Variants in ARHGEF10 observed in about 807,000 individuals in gnomAD.
The protein encoded by ARHGEF10 is Rho guanine nucleotide exchange factor (GEF) 10.
ARHGEF10 carries 140 observed loss-of-function variants against 147.4 expected under a neutral mutation model. The ratio of observed to expected loss-of-function variants is 0.95; its 90% CI spans 0.83 to 1.09. The LOEUF (loss-of-function observed/expected upper bound fraction) is 1.09. Ranked by LOEUF, ARHGEF10 falls within the 50% of genes least tolerant of loss-of-function variation. The pLI is 0.00. For synonymous variants in ARHGEF10, 902 were observed against 695.8 expected (o/e 1.30, Z -4.67); for missense variants, 2,222 against 1,752.7 (o/e 1.27, Z -4.78).
intron 2 of ARHGEF10, among the ~76,000 whole-genome samples, chr8:1,850,265 G>A (rs1280399138): frequency 1.5e-5 from 2 of 137,902 alleles, no homozygotes; most frequent in Non-Finnish European, 3.3e-5. Context: ...GACGGCAAAT[G>A]CTGAGGAGGG....
chr8:1,866,033 G>A (rs955498032), intron 5 of ARHGEF10, among the ~76,000 whole-genome samples: 1 of 151,936 alleles, frequency 6.6e-6, no homozygotes, highest in Non-Finnish European at 1.5e-5. Context: ...CTGTGTGTGT[G>A]GGACTCTGGT....
intron 3 of ARHGEF10, chr8:1,858,769 C>G (rs1236859871): frequency 7.5e-6 from 1 of 132,928 alleles, no homozygotes; most frequent in Admixed American, 8.2e-5. Context: ...GTAGTACCAG[C>G]CTCTCAGTTT....
In ARHGEF10 at chr8:1,847,429, C is replaced by G. The variant is rs1404168532; in HGVS notation, c.37+3993C>G. On this transcript the variant is annotated intron_variant, in intron 2 of 28. Transcript: ENST00000349830. ...GCTAAAGCCTTTCTCTAATTAGTAGCAAAATTCCAATGCAAATTACATTAG... is the reference window on the plus strand; with the variant it reads ...GCTAAAGCCTTTCTCTAATTAGTAGGAAAATTCCAATGCAAATTACATTAG... Among the ~76,000 whole-genome samples, 3 of 152,176 alleles carry G rather than the reference C, an allele frequency of 2.0e-5. No individual in the cohort carries two copies. The East Asian group carries it at 5.8e-4, about 29-fold the overall frequency.
In ARHGEF10 at chr8:1,824,019, G is replaced by GGCGGGGAACA. The variant is rs1802580160; in HGVS notation, c.-136_-135insAACAGCGGGG. 20 of 85,466 alleles carry GGCGGGGAACA rather than the reference G, an allele frequency of 2.3e-4. No homozygotes were observed. Among genetic ancestry groups the GGCGGGGAACA allele is most frequent in the South Asian group, 4.3e-4 (1 of 2,344 alleles). 5.3% of individuals were successfully genotyped at this position (85,466 alleles called of 1,614,324 possible). A position where few individuals can be genotyped will look rare whatever the true frequency, so the allele number is the denominator to read the frequency against. On this transcript the variant is annotated 5_prime_UTR_variant, in exon 1 of 29. Transcript: ENST00000349830. ...GGGGACGCGGGGGACGGCGGGGAAC[G>GGCGGGGAACA]GCGGGGGACGGCGGGGAACAGCGGG...
chr8:1,915,309 A>G (rs1022238762), intron 18 of ARHGEF10, among the ~76,000 whole-genome samples: 2 of 152,248 alleles, frequency 1.3e-5, no homozygotes, highest in African/African-American at 4.8e-5. Flanking sequence ...GGAGCAAAAC[A>G]GTCACATCAC....
Position 1,863,123 on chromosome 8 carries a change from G to A in ARHGEF10, c.482-1250G>A, listed in dbSNP as rs947490064. Among the ~76,000 whole-genome samples, 4 of 152,242 alleles carry A rather than the reference G, an allele frequency of 2.6e-5. No homozygotes were observed. The South Asian group carries it at 8.3e-4, about 32-fold the overall frequency. On this transcript the variant is annotated intron_variant, in intron 4 of 28. Coordinates refer to ENST00000349830, the MANE Select transcript of ARHGEF10 (RefSeq NM_014629.4). ...TCTTTGAGGCAGTGTGGCAGTGTGG[G>A]AAGGGCAGTTTTTGGAGCAGGCAGA...
At chr8:1,923,150 C>T (rs1812426655) in intron 19 of ARHGEF10, 71 bp downstream of exon 19, 39 of 1,148,356 alleles carry the variant, frequency 3.4e-5, no homozygotes, top group Middle Eastern at 2.8e-4. Flanking sequence ...GTGATTATAT[C>T]TCCAAGTTCT....
rs140470538 is a variant in ARHGEF10 at position 1,933,967 on chromosome 8, G to A, written c.3222+25G>A. ...GGTAAGTCACTTAGGTGGCTACACG[G>A]TGTGGAAAAAATGCATTTCAGAAAC... On this transcript the variant is annotated intron_variant, in intron 26 of 28. Transcript: ENST00000349830. 3.3e-4 allele frequency: 539 copies of A among 1,614,142 alleles called. 1 individual carries two copies. The highest frequency in any genetic ancestry group is 6.6e-4 in the Middle Eastern group (4 of 6,060).
chr8:1,894,410 G>C lies in ARHGEF10; in HGVS notation c.1278G>C (p.Leu426=). 6.2e-7 allele frequency: 1 copy of C among 1,614,220 alleles called. No individual in the cohort carries two copies. Among genetic ancestry groups the C allele is most frequent in the South Asian group, 1.1e-5 (1 of 91,082 alleles). ...TGTCTTAGCAATATGAGAAGCCGCT[G>C]TCTGAGATGGAGCCAAAGGTTCTGA... ...KRILEQYEKP[L]SEMEPKVLSE... The change falls in exon 13 of 29, where the codon CTG becomes CTC. Residue 426 remains leucine (L), a synonymous_variant. Coordinates refer to ENST00000349830, the MANE Select transcript of ARHGEF10 (RefSeq NM_014629.4).
rs116392668 is a variant in ARHGEF10 at position 1,883,978 on chromosome 8, C to T, written c.1075+1229C>T. Among the ~76,000 whole-genome samples the T allele has an allele frequency of 7.6e-3, 1,164 of 152,262 alleles. 18 individuals are homozygous for T. Among genetic ancestry groups the T allele is most frequent in the African/African-American group, 0.026 (1,090 of 41,554 alleles). On this transcript the variant is annotated intron_variant, in intron 10 of 28. Coordinates refer to ENST00000349830, the MANE Select transcript of ARHGEF10 (RefSeq NM_014629.4). ...GGATTTGCAGGCTGGCAGAGTCCCC[C>T]GGGACTGGGTGTGTGGGACAGTCTG... is the stretch of plus-strand genomic sequence containing the variant.
At chr8:1,876,826 T>G (rs1198202483) in intron 8 of ARHGEF10, 92 bp downstream of exon 8, 1 of 1,402,864 alleles carries the variant, frequency 7.1e-7, no homozygotes, top group South Asian at 1.2e-5. Context: ...TAGTACTTCA[T>G]AGTGATTTGT....
intron 2 of ARHGEF10, among the ~76,000 whole-genome samples, chr8:1,847,667 G>A (rs1316800516): frequency 1.3e-5 from 2 of 152,306 alleles, no homozygotes; most frequent in East Asian, 3.9e-4. Flanking sequence ...GCTACAAACC[G>A]CAGTGACACC....
Position 1,957,042 on chromosome 8 carries a change from C to T in ARHGEF10, c.3814C>T (p.Leu1272=). Residue 1272 remains leucine, a synonymous_variant, in exon 29 of 29, where the codon CTA becomes TTA. Coordinates refer to ENST00000349830, the MANE Select transcript of ARHGEF10 (RefSeq NM_014629.4). ...SLSLSHGSSS[L]EHRSEDSTIY... ...GAGCTTGTCTCACGGCTCCAGCTCT[C>T]TAGAGCACAGATCAGAGGACAGCAC... 6.2e-7 allele frequency: 1 copy of T among 1,613,940 alleles called. No homozygotes were observed.
Position 1,907,451 on chromosome 8 carries a change from A to C in ARHGEF10, c.1967+1735A>C, listed in dbSNP as rs890392533. Among the ~76,000 whole-genome samples, 3 of 152,316 alleles carry C rather than the reference A, an allele frequency of 2.0e-5. No individual in the cohort carries two copies. The East Asian group carries it at 5.8e-4, about 29-fold the overall frequency. On this transcript the variant is annotated intron_variant, in intron 17 of 28. Transcript: ENST00000349830. Reference sequence around the variant, plus strand: ...GAAGTGAAATGACCTTGTAAACGGCAAAGTCCTAAGCAAATATAATGGTCC... The same window carrying C: ...GAAGTGAAATGACCTTGTAAACGGCCAAGTCCTAAGCAAATATAATGGTCC...
rs527476155 is a variant in ARHGEF10, at chr8:1,945,740, C to T, written c.3397+85C>T. 2.8e-5 allele frequency: 43 copies of T among 1,555,558 alleles called. No homozygotes were observed. The East Asian group carries it at 5.6e-4, about 20-fold the overall frequency. On this transcript the variant is annotated intron_variant, in intron 27 of 28. Coordinates refer to ENST00000349830, the MANE Select transcript of ARHGEF10 (RefSeq NM_014629.4). ...GCGGAGCGCTGTCAGCCCACCTTAGCGCTTCCCAGTGCAGGACACTGTTCA... is the reference window on the plus strand; with the variant it reads ...GCGGAGCGCTGTCAGCCCACCTTAGTGCTTCCCAGTGCAGGACACTGTTCA...
intron 14 of ARHGEF10, among the ~76,000 whole-genome samples, chr8:1,898,017 A>G (rs530915564): frequency 5.9e-5 from 9 of 152,198 alleles, no homozygotes; most frequent in African/African-American, 2.2e-4. Flanking sequence ...CTTGGTAGCA[A>G]ATGGCCCCAC....
intron 17 of ARHGEF10, among the ~76,000 whole-genome samples, chr8:1,907,040 G>A (rs1810950718): frequency 6.6e-6 from 1 of 152,224 alleles, no homozygotes; most frequent in Non-Finnish European, 1.5e-5. Context: ...GTGCAGAAGT[G>A]AAGCCCACTG....
At chr8:1,842,960 C>G (rs780975457) in intron 1 of ARHGEF10, among the ~76,000 whole-genome samples, 5 of 152,168 alleles carry the variant, frequency 3.3e-5, no homozygotes, top group Non-Finnish European at 5.9e-5. Context: ...CCGTCAGCGC[C>G]GCACCTGATC....
At chr8:1,899,964 G>T (rs182915571) in intron 15 of ARHGEF10, among the ~76,000 whole-genome samples, 1 of 152,220 alleles carries the variant, frequency 6.6e-6, no homozygotes, top group Admixed American at 6.5e-5. Context: ...CACATGCCCT[G>T]TGTTTAGCGA....
Sources: gnomAD v4.1 joint callset for allele counts (sites outside exome capture counted in the v4.1 genomes callset) on GRCh38, gnomAD v4.1.1 for gene constraint, MANE v1.5 for transcripts, NCBI Gene and HGNC (gene_info 2026-07-23, HGNC 2026-07-21) for gene names.